DCUN1D4: variants seen among roughly 807,000 people sequenced by gnomAD.
The protein encoded by DCUN1D4 is DCN1-like protein 4.
Under a neutral mutation model 47.9 loss-of-function variants are expected in DCUN1D4, and 22 were observed. The observed-to-expected ratio is 0.46, with a 90% confidence interval of 0.33 to 0.66. The LOEUF is 0.66. Among genes scored for constraint, DCUN1D4 ranks in the 30% least tolerant of loss-of-function variants. The probability of loss-of-function intolerance (pLI) is 0.02; values close to 1 mark genes in which losing one functional copy is unlikely to be tolerated. For synonymous variants in DCUN1D4, 121 were observed against 112.2 expected, an observed-to-expected ratio of 1.08 and a Z score of -0.50; for missense variants, 301 against 340.8, an observed-to-expected ratio of 0.88 and a Z score of 0.92.
chr4:51,867,971 G>T (rs773063002), intron 3 of DCUN1D4, among the ~76,000 whole-genome samples: 2 of 152,248 alleles, frequency 1.3e-5, no homozygotes, highest in African/African-American at 2.4e-5. Context: ...CTTCCCCCTC[G>T]TGCTTGTTGG....
In DCUN1D4 at chr4:51,874,752, G is replaced by A. The variant is rs140320107; in HGVS notation, c.251+367G>A. On this transcript the variant is annotated intron_variant, in intron 4 of 10. Transcript: ENST00000334635. ...CTCATTCACTTCAACCACAGAGCTG[G>A]AGAGATCTTCCTGTACTTAATGGTC... 5 of 173,758 alleles carry A rather than the reference G, an allele frequency of 2.9e-5. No individual in the cohort carries two copies. The East Asian group carries it at 8.3e-4, about 29-fold the overall frequency. 10.8% of individuals were successfully genotyped at this position (173,758 alleles called of 1,614,324 possible).
intron 1 of DCUN1D4, among the ~76,000 whole-genome samples, chr4:51,856,634 A>T (rs1199243532): frequency 6.6e-6 from 1 of 152,194 alleles, no homozygotes; most frequent in East Asian, 1.9e-4. Context: ...TTAGAAGATA[A>T]GAGTTTTGCC....
At position 51,914,536 on chromosome 4, in the gene DCUN1D4, G is replaced by T. The variant is rs2110153645; in HGVS notation, c.*952G>T. On this transcript the variant is annotated 3_prime_UTR_variant, in exon 11 of 11. Transcript: ENST00000334635. ...TTGAATTTTCAGTTAAGCTTTCATG[G>T]TATGTAATTTTCCAGCCTTTTGAGA... The T allele has an allele frequency of 6.6e-6, 1 of 152,604 alleles. No homozygotes were observed. The highest frequency in any genetic ancestry group is 1.9e-4 in the East Asian group (1 of 5,166). 9.5% of individuals were successfully genotyped at this position (152,604 alleles called of 1,614,324 possible).
At position 51,913,887 on chromosome 4, in the gene DCUN1D4, C is replaced by A; in HGVS notation, c.*303C>A. 1 of 281,124 alleles carries A rather than the reference C, an allele frequency of 3.6e-6. No individual in the cohort carries two copies. The highest frequency in any genetic ancestry group is 6.4e-5 in the East Asian group (1 of 15,732). The allele number at this position is 281,124 out of a possible 1,614,324, so 17.4% of individuals were successfully genotyped here. A position where few individuals can be genotyped will look rare whatever the true frequency, so the allele number is the denominator to read the frequency against. Reference sequence around the variant, plus strand: ...ATGTGTATAAAAGGAAAAAGGTTCACCTAGAGATTATTTCTGAAAAATGTA... The same window carrying A: ...ATGTGTATAAAAGGAAAAAGGTTCAACTAGAGATTATTTCTGAAAAATGTA... On this transcript the variant is annotated 3_prime_UTR_variant, in exon 11 of 11. Coordinates refer to ENST00000334635, the MANE Select transcript of DCUN1D4 (RefSeq NM_001040402.3).
chr4:51,841,266 CACACA>C (rs1721635291), upstream of DCUN1D4, among the ~76,000 whole-genome samples: 1 of 151,944 alleles, frequency 6.6e-6, no homozygotes, highest in Non-Finnish European at 1.5e-5. Flanking sequence ...AAATATTACA[CACACA>C]AAAGATTTGA....
chr4:51,910,599 A>AT (rs1488355570), intron 8 of DCUN1D4, among the ~76,000 whole-genome samples: 1 of 152,192 alleles, frequency 6.6e-6, no homozygotes, highest in Non-Finnish European at 1.5e-5. Flanking sequence ...CAAGAAAAAT[A>AT]TTTATCAATG....
At chr4:51,849,878 A>C (rs532896368) in intron 1 of DCUN1D4, among the ~76,000 whole-genome samples, 2 of 151,848 alleles carry the variant, frequency 1.3e-5, no homozygotes, top group Non-Finnish European at 2.9e-5. Context: ...TTTTAGTGGA[A>C]TGTTTATTTT....
chr4:51,889,095 T>G (rs985746945), intron 6 of DCUN1D4, among the ~76,000 whole-genome samples: 1 of 152,012 alleles, frequency 6.6e-6, no homozygotes, highest in African/African-American at 2.4e-5. Context: ...GGCAACAGAG[T>G]GAGACTCTGT....
chr4:51,856,540 C>G (rs1724172063), intron 1 of DCUN1D4, among the ~76,000 whole-genome samples: 1 of 152,050 alleles, frequency 6.6e-6, no homozygotes, highest in Admixed American at 6.5e-5. Context: ...TGCTTTTTTC[C>G]TATTACAGAG....
chr4:51,913,882 G>A lies in DCUN1D4; in HGVS notation c.*298G>A, dbSNP rs13531. The A allele has an allele frequency of 2.4e-5, 7 of 297,260 alleles. No individual in the cohort carries two copies. In the East Asian group the frequency reaches 3.9e-4, roughly 17 times the overall value. 18.4% of individuals were successfully genotyped at this position (297,260 alleles called of 1,614,324 possible). A position where few individuals can be genotyped will look rare whatever the true frequency, so the allele number is the denominator to read the frequency against. On this transcript the variant is annotated 3_prime_UTR_variant, in exon 11 of 11. Transcript: ENST00000334635. Reference sequence around the variant, plus strand: ...TGTATATGTGTATAAAAGGAAAAAGGTTCACCTAGAGATTATTTCTGAAAA... The same window carrying A: ...TGTATATGTGTATAAAAGGAAAAAGATTCACCTAGAGATTATTTCTGAAAA...
chr4:51,865,248 C>T (rs942234380), intron 3 of DCUN1D4: 1 of 225,822 alleles, frequency 4.4e-6, no homozygotes, highest in Non-Finnish European at 9.3e-6. Context: ...ATGATACCAC[C>T]TCCTACATCT....
chr4:51,899,455 T>C, intron 8 of DCUN1D4, 77 bp downstream of exon 8: 1 of 1,500,178 alleles, frequency 6.7e-7, no homozygotes, highest in South Asian at 1.4e-5. Flanking sequence ...GGTTAGTTTT[T>C]ACATGCCACA....
chr4:51,858,122 T>C (rs1434116298), intron 1 of DCUN1D4, among the ~76,000 whole-genome samples: 1 of 152,194 alleles, frequency 6.6e-6, no homozygotes, highest in African/African-American at 2.4e-5. Flanking sequence ...AGGTGATTTT[T>C]AAGAATTTTA....
At chr4:51,850,185 C>A (rs1482186420) in intron 1 of DCUN1D4, among the ~76,000 whole-genome samples, 1 of 152,180 alleles carries the variant, frequency 6.6e-6, no homozygotes, top group African/African-American at 2.4e-5. Flanking sequence ...ATAATAAAGG[C>A]ATGATAAATC....
intron 3 of DCUN1D4, among the ~76,000 whole-genome samples, chr4:51,869,718 G>C (rs1726572154): frequency 6.6e-6 from 1 of 152,108 alleles, no homozygotes; most frequent in Non-Finnish European, 1.5e-5. Context: ...AGGGCCTTTA[G>C]TCTGAACCAG....
At chr4:51,893,903 G>A (rs1266027522) in intron 7 of DCUN1D4, among the ~76,000 whole-genome samples, 2 of 152,146 alleles carry the variant, frequency 1.3e-5, no homozygotes, top group Admixed American at 6.5e-5. Flanking sequence ...AGTTCTTTAC[G>A]AAAGAATGTC....
chr4:51,859,674 A>G (rs1158378665), intron 1 of DCUN1D4, among the ~76,000 whole-genome samples: 1 of 146,866 alleles, frequency 6.8e-6, no homozygotes, highest in African/African-American at 2.6e-5. Flanking sequence ...AACCCAGACA[A>G]GTTTATGCCC....
rs1725393368 is a variant in DCUN1D4, at chr4:51,863,459, C to T, written c.48C>T (p.Leu16=). The change falls in exon 2 of 11, where the codon CTC becomes CTT. Residue 16 remains leucine (L), a synonymous_variant. Transcript: ENST00000334635. ...AAGATTTTCAGCTGAACTCTCATCT[C>T]TCAACACTGGCAAATATTCATAAGA... ...AAVNFQLNSH[L]STLANIHKIY... 3 of 1,612,602 alleles carry T rather than the reference C, an allele frequency of 1.9e-6. No individual in the cohort carries two copies. Among genetic ancestry groups the T allele is most frequent in the Non-Finnish European group, 2.5e-6 (3 of 1,179,408 alleles).
intron 4 of DCUN1D4, chr4:51,877,347 G>A (rs1169949510): frequency 6.5e-6 from 1 of 152,690 alleles, no homozygotes; most frequent in East Asian, 1.9e-4. Context: ...TTCTTCCTTA[G>A]ACTGTGTTCC....
Sources: gnomAD v4.1 joint callset for allele counts (sites outside exome capture counted in the v4.1 genomes callset) on GRCh38, gnomAD v4.1.1 for gene constraint, MANE v1.5 for transcripts, NCBI Gene and HGNC (gene_info 2026-07-23, HGNC 2026-07-21) for gene names.